RDH13: variants seen among roughly 807,000 people sequenced by gnomAD.
RDH13 encodes retinol dehydrogenase 13.
In RDH13, 35 loss-of-function variants were observed where a neutral mutation model predicts 28.3. The observed-to-expected ratio is 1.24, with a 90% CI of 0.95 to 1.64. RDH13 has a LOEUF of 1.64. Among genes scored for constraint, RDH13 ranks in the 40% most tolerant of loss-of-function variants. RDH13 has a pLI of 0.00. For missense variants in RDH13, 514 were observed against 446.3 expected, an observed-to-expected ratio of 1.15 and a Z score of -1.37; for synonymous variants, 229 against 198.5, an observed-to-expected ratio of 1.15 and a Z score of -1.29.
chr19:55,049,164 C>T (rs1384259617), intron 3 of RDH13, among the ~76,000 whole-genome samples: 1 of 152,204 alleles, frequency 6.6e-6, no homozygotes, highest in African/African-American at 2.4e-5. Flanking sequence ...GAATGCACGT[C>T]TGAGGGTGTA....
At chr19:55,046,760 T>G (rs760189002) in intron 6 of RDH13, 1 of 152,450 alleles carries the variant, frequency 6.6e-6, no homozygotes, top group Non-Finnish European at 1.5e-5. Flanking sequence ...TAGCTGGGTG[T>G]GGTGGTGTGC....
At chr19:55,059,586 T>TGGGGGGGGGGGG (rs202150997) in intron 1 of RDH13, among the ~76,000 whole-genome samples, 56 of 79,096 alleles carry the variant, frequency 7.1e-4, no homozygotes, top group Non-Finnish European at 1.0e-3. Context: ...GTTTTGGGGG[T>TGGGGGGGGGGGG]GGGGGGGGGC....
downstream of RDH13, chr19:55,041,293 T>A (rs1568668075): frequency 6.6e-6 from 1 of 152,192 alleles, no homozygotes; most frequent in Non-Finnish European, 1.5e-5. Flanking sequence ...TGGGTCCTTT[T>A]AAAAGATACA....
Position 55,063,058 on chromosome 19 carries a change from G to GTCAGGCC in RDH13, c.-27_-26insGGCCTGA. On this transcript the variant is annotated 5_prime_UTR_variant, in exon 1 of 7. Transcript: ENST00000415061. ...GCCGGGCCGGGGACAGGCGTCAGGC[G>GTCAGGCC]TCAGGGGTCGGCGCGGAGCTTGCTG... is the stretch of plus-strand genomic sequence containing the variant. 7.6e-7 allele frequency: 1 copy of GTCAGGCC among 1,318,298 alleles called. No individual in the cohort carries two copies. Among genetic ancestry groups the GTCAGGCC allele is most frequent in the Non-Finnish European group, 9.6e-7 (1 of 1,040,684 alleles). The allele number at this position is 1,318,298 out of a possible 1,614,324, so 81.7% of individuals were successfully genotyped here.
chr19:55,048,297 C>T (rs1243352598), intron 5 of RDH13, 32 bp downstream of exon 5: 2 of 1,612,778 alleles, frequency 1.2e-6, no homozygotes, highest in Admixed American at 1.7e-5. Flanking sequence ...CAGAGTAAAG[C>T]AAGAGGGAGG....
Position 55,052,684 on chromosome 19 carries a change from T to C in RDH13, c.341-3921A>G, listed in dbSNP as rs867953861. On this transcript the variant is annotated intron_variant, in intron 3 of 6. Transcript: ENST00000415061. ...ATTGTTTTTTATTTTTTTTTTGAGA[T>C]GGAGTCTCACTCTGTCACCCAGGCT... 1.0e-4 allele frequency among the ~76,000 whole-genome samples: 15 copies of C among 148,912 alleles called. 2 individuals are homozygous for C. In the South Asian group the frequency reaches 1.9e-3, roughly 19 times the overall value.
At chr19:55,050,416 A>G (rs2075391046) in intron 3 of RDH13, among the ~76,000 whole-genome samples, 1 of 151,876 alleles carries the variant, frequency 6.6e-6, no homozygotes, top group Non-Finnish European at 1.5e-5. Context: ...CACTCAGTCT[A>G]CTTGGCCTAT....
In RDH13 at chr19:55,050,128, G is replaced by T. The variant is rs865845399; in HGVS notation, c.341-1365C>A. 5.6e-4 allele frequency among the ~76,000 whole-genome samples: 84 copies of T among 149,396 alleles called. 1 individual carries two copies. Among genetic ancestry groups the T allele is most frequent in the African/African-American group, 1.8e-3 (72 of 40,754 alleles). On this transcript the variant is annotated intron_variant, in intron 3 of 6. Transcript: ENST00000415061. Reference sequence around the variant, plus strand: ...CCCCAGCCTATTTTTTTTTTTTTGGGGGGGGGAGATGGAGTTTCACTCTTG... The same window carrying T: ...CCCCAGCCTATTTTTTTTTTTTTGGTGGGGGGAGATGGAGTTTCACTCTTG...
chr19:55,058,230 A>T (rs1366782738), intron 2 of RDH13, among the ~76,000 whole-genome samples: 2 of 151,850 alleles, frequency 1.3e-5, no homozygotes, highest in Non-Finnish European at 2.9e-5. Flanking sequence ...TGGCCAACAC[A>T]TTACAAACTT....
intron 1 of RDH13, chr19:55,068,520 A>C (rs1036299015): frequency 6.6e-6 from 1 of 151,652 alleles, no homozygotes; most frequent in Non-Finnish European, 1.5e-5. Context: ...CCTGGGTGAC[A>C]GAGTGAGATT....
At chr19:55,060,292 C>T (rs1297786349) in intron 1 of RDH13, among the ~76,000 whole-genome samples, 7 of 151,508 alleles carry the variant, frequency 4.6e-5, no homozygotes, top group South Asian at 2.1e-4. Context: ...TGGCGGGAGG[C>T]GAGACATGTT....
intron 2 of RDH13, among the ~76,000 whole-genome samples, chr19:55,057,585 A>AC (rs1488110774): frequency 6.6e-6 from 1 of 151,818 alleles, no homozygotes; most frequent in Non-Finnish European, 1.5e-5. Context: ...GGCACCTACC[A>AC]CAACTAGCTA....
chr19:55,048,852 C>CAGGTTGTGGGAG, intron 3 of RDH13, 89 bp from the exon 4 acceptor site: 1 of 1,154,208 alleles, frequency 8.7e-7, no homozygotes, highest in Non-Finnish European at 1.3e-6. Flanking sequence ...GCTCCCACAA[C>CAGGTTGTGGGAG]CTGTGAATGT....
At chr19:55,051,936 T>TGCTTAGGCTGGTCTCGAATTTCTGA (rs2075453682) in intron 3 of RDH13, among the ~76,000 whole-genome samples, 1 of 151,850 alleles carries the variant, frequency 6.6e-6, no homozygotes, top group Non-Finnish European at 1.5e-5. Flanking sequence ...TTGGCTATGT[T>TGCTTAGGCTGGTCTCGAATTTCTGA]GCTTAGGCTG....
downstream of RDH13, chr19:55,040,825 G>C (rs927562550): frequency 6.6e-6 from 1 of 152,194 alleles, no homozygotes; most frequent in Admixed American, 6.5e-5. Flanking sequence ...TTGTCATAAG[G>C]GTTATAAAAC....
chr19:55,054,027 G>C (rs538193167), intron 3 of RDH13: 2 of 152,114 alleles, frequency 1.3e-5, no homozygotes, highest in Admixed American at 6.6e-5. Flanking sequence ...GCTCTTTCTT[G>C]ATCCCCAAGG....
chr19:55,045,386 G>T, intron 6 of RDH13, 77 bp from the exon 7 acceptor site: 2 of 1,185,616 alleles, frequency 1.7e-6, no homozygotes, highest in Non-Finnish European at 2.4e-6. Flanking sequence ...CGGTCAGGGA[G>T]CTCCGGGTCC....
At chr19:55,052,436 C>T (rs1456543445) in intron 3 of RDH13, among the ~76,000 whole-genome samples, 1 of 150,940 alleles carries the variant, frequency 6.6e-6, no homozygotes, top group African/African-American at 2.4e-5. Flanking sequence ...CCCAGCTACT[C>T]GGGAGGCTGA....
chr19:55,047,147 TC>T lies in RDH13; in HGVS notation c.760+239del. 2.1e-6 allele frequency: 3 copies of T among 1,404,364 alleles called. No homozygotes were observed. The African/African-American group carries it at 4.3e-5, about 20-fold the overall frequency. 87.0% of individuals were successfully genotyped at this position (1,404,364 alleles called of 1,614,324 possible). ...TCCAGGCGTCAGCTCCACGGCCTCT[TC>T]CTCTGAGACACGGTTTTCTCATCCG... On this transcript the variant is annotated intron_variant, in intron 6 of 6. Coordinates refer to ENST00000415061, the MANE Select transcript of RDH13 (RefSeq NM_001145971.2).
Sources: allele counts gnomAD v4.1 joint callset (sites outside exome capture counted in the v4.1 genomes callset), GRCh38; gene constraint gnomAD v4.1.1; transcripts MANE v1.5; gene names NCBI Gene and HGNC (gene_info 2026-07-23, HGNC 2026-07-21).